The following AVL9 variants were observed in gnomAD, a reference collection of about 807,000 sequenced individuals.
The protein encoded by AVL9 is AVL9 cell migration associated.
AVL9 carries 49 observed loss-of-function variants against 79.2 expected under a neutral mutation model. That is an observed-to-expected ratio of 0.62 (90% confidence interval 0.49 to 0.79). AVL9 has a LOEUF of 0.79. Ranked by LOEUF, AVL9 falls within the 30% of genes least tolerant of loss-of-function variation. The pLI, the probability that AVL9 is intolerant of heterozygous loss-of-function variation, is 0.00. For synonymous variants in AVL9, 299 were observed against 280.6 expected (o/e 1.07, Z -0.65); for missense variants, 682 against 776.8 (o/e 0.88, Z 1.45).
chr7:32,570,644 A>G (rs1182324019), intron 11 of AVL9, among the ~76,000 whole-genome samples: 4 of 149,870 alleles, frequency 2.7e-5, no homozygotes, highest in Admixed American at 2.7e-4. Context: ...TTTTTGAGAC[A>G]GTTTCGTTCT....
chr7:32,518,506 A>G (rs1788005133), intron 1 of AVL9, among the ~76,000 whole-genome samples: 1 of 152,188 alleles, frequency 6.6e-6, no homozygotes, highest in Admixed American at 6.5e-5. Flanking sequence ...GCTCTTATTA[A>G]AAGGTAATTT....
At chr7:32,518,263 G>A (rs1787993703) in intron 1 of AVL9, among the ~76,000 whole-genome samples, 1 of 152,174 alleles carries the variant, frequency 6.6e-6, no homozygotes, top group South Asian at 2.1e-4. Context: ...GAAATTCACA[G>A]ACTATAAAAT....
chr7:32,570,527 T>C (rs993207005), intron 11 of AVL9, among the ~76,000 whole-genome samples: 9 of 152,214 alleles, frequency 5.9e-5, no homozygotes, highest in African/African-American at 1.9e-4. Context: ...CTGTTTAGAA[T>C]GCTCTTGATA....
At chr7:32,551,278 T>G (rs1583562493) in intron 4 of AVL9, 56 bp from the exon 5 acceptor site, 6 of 1,176,918 alleles carry the variant, frequency 5.1e-6, no homozygotes, top group Non-Finnish European at 7.4e-6. Flanking sequence ...TATCAACCAA[T>G]TTTACTGTTA....
At chr7:32,570,593 A>G (rs958021119) in intron 11 of AVL9, among the ~76,000 whole-genome samples, 2 of 151,612 alleles carry the variant, frequency 1.3e-5, no homozygotes, top group African/African-American at 2.4e-5. Flanking sequence ...AATTCAAATC[A>G]TTTGTTATTT....
chr7:32,510,805 T>C (rs1787636256), intron 1 of AVL9, among the ~76,000 whole-genome samples: 1 of 120,162 alleles, frequency 8.3e-6, no homozygotes, highest in Admixed American at 8.2e-5. Context: ...CTGGCACTTC[T>C]GAACTGCCCC....
chr7:32,553,398 G>T (rs564191641), intron 6 of AVL9, among the ~76,000 whole-genome samples: 15 of 152,264 alleles, frequency 9.9e-5, no homozygotes, highest in Middle Eastern at 3.4e-3. Context: ...ACCTATAGCT[G>T]TCTACATTTA....
At chr7:32,546,308 CCT>C (rs765746936) in intron 3 of AVL9, among the ~76,000 whole-genome samples, 13 of 151,940 alleles carry the variant, frequency 8.6e-5, no homozygotes, top group Non-Finnish European at 1.6e-4. Context: ...CTCTTTTTCC[CCT>C]GACCCACTTA....
rs1359586623 is a variant in AVL9 at position 32,579,583 on chromosome 7, A to T, written c.1689-636A>T. Among the ~76,000 whole-genome samples the T allele has an allele frequency of 4.6e-4, 6 of 12,974 alleles. 1 individual carries two copies. The highest frequency in any genetic ancestry group is 2.3e-3 in the African/African-American group (6 of 2,602). The allele number at this position is 12,974 out of a possible 152,430, so 8.5% of individuals were successfully genotyped here. On this transcript the variant is annotated intron_variant, in intron 13 of 15. Coordinates refer to ENST00000318709, the MANE Select transcript of AVL9 (RefSeq NM_015060.3). ...TATATTATATATTATATTATATATT[A>T]TATATTATATATTATATATTATATT...
chr7:32,579,705 G>GT (rs1273390952), intron 13 of AVL9, among the ~76,000 whole-genome samples: 25 of 134,880 alleles, frequency 1.9e-4, no homozygotes, highest in African/African-American at 2.3e-4. Flanking sequence ...TGATAGTGCT[G>GT]TTTTTTTTTA....
At chr7:32,561,458 C>T (rs1277511339) in intron 10 of AVL9, among the ~76,000 whole-genome samples, 1 of 151,714 alleles carries the variant, frequency 6.6e-6, no homozygotes, top group Non-Finnish European at 1.5e-5. Flanking sequence ...ACTTCTGCAT[C>T]TTCTCAGCTC....
chr7:32,524,514 T>A (rs1788314932), intron 1 of AVL9, among the ~76,000 whole-genome samples: 1 of 129,388 alleles, frequency 7.7e-6, no homozygotes, highest in South Asian at 2.8e-4. Flanking sequence ...GACTCCATCT[T>A]GTGGGAGGGA....
At chr7:32,573,148 G>A (rs1790934050) in intron 11 of AVL9, 51 bp from the exon 12 acceptor site, 1 of 1,433,016 alleles carries the variant, frequency 7.0e-7, no homozygotes, top group Admixed American at 1.7e-5. Flanking sequence ...AGTGTGGCAT[G>A]GATGTCTGCG....
intron 1 of AVL9, among the ~76,000 whole-genome samples, chr7:32,530,497 CTATT>C (rs1355326290): frequency 3.3e-5 from 5 of 152,182 alleles, no homozygotes; most frequent in South Asian, 2.1e-4. Context: ...TATAACAATG[CTATT>C]TATTCTCATA....
intron 1 of AVL9, among the ~76,000 whole-genome samples, chr7:32,525,281 A>G (rs1338841978): frequency 6.6e-6 from 1 of 152,242 alleles, no homozygotes; most frequent in Non-Finnish European, 1.5e-5. Context: ...AGTTGTTTGC[A>G]TAAGTTTAGT....
At position 32,573,343 on chromosome 7, in the gene AVL9, G is replaced by A; in HGVS notation, c.1495G>A (p.Glu499Lys). Reference sequence around the variant, plus strand: ...CGTCTTCCTAGATGGCACGGGCTGGGAGGGAGGTGACGAATGGATCCGGGC... The same window carrying A: ...CGTCTTCCTAGATGGCACGGGCTGGAAGGGAGGTGACGAATGGATCCGGGC... ...DDVFLDGTGW[E>K]GGDEWIRAQF... Residue 499 changes from glutamate (E) to lysine (K), a missense_variant, in exon 12 of 16, where the codon GAG (glutamate) becomes AAG (lysine). Transcript: ENST00000318709. 1 of 1,613,910 alleles carries A rather than the reference G, an allele frequency of 6.2e-7. No homozygotes were observed. Among genetic ancestry groups the A allele is most frequent in the South Asian group, 1.1e-5 (1 of 91,076 alleles).
At chr7:32,499,033 C>T (rs142465421) in intron 1 of AVL9, among the ~76,000 whole-genome samples, 70,287 of 70,326 alleles carry the variant, frequency 1, 35,125 homozygotes, top group Middle Eastern at 1. Context: ...CGTGGTGGCA[C>T]ATGCCTGTGA....
chr7:32,576,239 C>T (rs1231128063), intron 13 of AVL9, among the ~76,000 whole-genome samples, 167 bp downstream of exon 13: 3 of 152,164 alleles, frequency 2.0e-5, no homozygotes, highest in Non-Finnish European at 4.4e-5. Flanking sequence ...GAAACTGCTT[C>T]CATATTCAGA....
In AVL9 at chr7:32,556,850, C is replaced by G. The variant is rs184930625; in HGVS notation, c.610-1709C>G. On this transcript the variant is annotated intron_variant, in intron 8 of 15. Coordinates refer to ENST00000318709, the MANE Select transcript of AVL9 (RefSeq NM_015060.3). ...GTGTGATCATGGCTCACTGCAACCT[C>G]TAACTCCCAGGCTCAAGCAATTCTT... is the stretch of plus-strand genomic sequence containing the variant. Among the ~76,000 whole-genome samples the G allele has an allele frequency of 4.4e-3, 663 of 152,138 alleles. 2 individuals are homozygous for G. The highest frequency in any genetic ancestry group is 5.5e-3 in the Non-Finnish European group (371 of 67,992).
Sources: allele counts gnomAD v4.1 joint callset (sites outside exome capture counted in the v4.1 genomes callset), GRCh38; gene constraint gnomAD v4.1.1; transcripts MANE v1.5; gene names NCBI Gene and HGNC (gene_info 2026-07-23, HGNC 2026-07-21).